STX11: variants seen among roughly 807,000 people sequenced by gnomAD.
STX11 encodes syntaxin 11.
Under a neutral mutation model 19.9 loss-of-function variants are expected in STX11, and 21 were observed. That is an observed-to-expected ratio of 1.06 (90% confidence interval 0.75 to 1.52). The LOEUF is 1.52. Ranked by LOEUF, STX11 falls within the 40% of genes most tolerant of loss-of-function variation. The pLI, the probability that STX11 is intolerant of heterozygous loss-of-function variation, is 0.00. For missense variants in STX11, 438 were observed against 405.9 expected, an observed-to-expected ratio of 1.08 and a Z score of -0.68; for synonymous variants, 193 against 174.4, an observed-to-expected ratio of 1.11 and a Z score of -0.84.
chr6:144,190,504 C>T lies in STX11; in HGVS notation c.*3013C>T, dbSNP rs1054317176. On this transcript the variant is annotated 3_prime_UTR_variant, in exon 2 of 2. Coordinates refer to ENST00000367568, the MANE Select transcript of STX11 (RefSeq NM_003764.4). ...TTTTAAGTACAGAGGAAAAATAAAG[C>T]CTATTTTTTGTTAACAGTCTTAATA... is the stretch of plus-strand genomic sequence containing the variant. Among the ~76,000 whole-genome samples the T allele has an allele frequency of 6.6e-6, 1 of 151,824 alleles. No individual in the cohort carries two copies. Among genetic ancestry groups the T allele is most frequent in the African/African-American group, 2.4e-5 (1 of 41,340 alleles).
upstream of STX11, among the ~76,000 whole-genome samples, chr6:144,147,297 A>C (rs1467760432): frequency 6.6e-6 from 1 of 152,084 alleles, no homozygotes; most frequent in African/African-American, 2.4e-5. This position sits in a 1 kb window ranked among gnomAD's most constrained non-coding sequence, Gnocchi z 4.2. Flanking sequence ...TCTTCTTACC[A>C]AGCTCACCAC....
chr6:144,147,406 T>A (rs145872089), upstream of STX11, among the ~76,000 whole-genome samples: 3 of 152,322 alleles, frequency 2.0e-5, no homozygotes, highest in African/African-American at 7.2e-5. The surrounding 1 kb of genome is among the most constrained non-coding windows in gnomAD (Gnocchi z 4.2). Context: ...ACAAAAATTT[T>A]TTTAATTTGG....
intron 1 of STX11, among the ~76,000 whole-genome samples, chr6:144,156,663 A>G (rs1198244097): frequency 1.3e-5 from 2 of 152,140 alleles, no homozygotes; most frequent in East Asian, 3.9e-4. Context: ...CTAATTTTCT[A>G]TTATGTTCTT....
the STX11 span, among the ~76,000 whole-genome samples, chr6:144,144,899 T>G: frequency 6.6e-6 from 1 of 152,128 alleles, no homozygotes; most frequent in Non-Finnish European, 1.5e-5. Context: ...GGGGAATAAG[T>G]GTTGGCAAGG....
At chr6:144,146,258 C>T (rs973857727), upstream of STX11, among the ~76,000 whole-genome samples, 1 of 152,188 alleles carries the variant, frequency 6.6e-6, no homozygotes, top group Non-Finnish European at 1.5e-5. This position sits in a 1 kb window ranked among gnomAD's most constrained non-coding sequence, Gnocchi z 4.4. Context: ...ACGCCCCGCA[C>T]CCAGTGCCTG....
Position 144,191,772 on chromosome 6 carries a change from G to A in STX11, c.*4281G>A, listed in dbSNP as rs1213118373. On this transcript the variant is annotated 3_prime_UTR_variant, in exon 2 of 2. Coordinates refer to ENST00000367568, the MANE Select transcript of STX11 (RefSeq NM_003764.4). Reference sequence around the variant, plus strand: ...TGAAAATCATTGCAATTAATAAAATGGGGCTATTAGAAATGGAAAACGAAT... The same window carrying A: ...TGAAAATCATTGCAATTAATAAAATAGGGCTATTAGAAATGGAAAACGAAT... Among the ~76,000 whole-genome samples, 1 of 152,156 alleles carries A rather than the reference G, an allele frequency of 6.6e-6. No homozygotes were observed. The highest frequency in any genetic ancestry group is 2.4e-5 in the African/African-American group (1 of 41,446).
Position 144,187,629 on chromosome 6 carries a change from G to A in STX11, c.*138G>A. Reference sequence around the variant, plus strand: ...TCAGTCTTTAGAAAAGAAACGCCAGGTTCAAGAATTGCAAACCAGCCTGTG... The same window carrying A: ...TCAGTCTTTAGAAAAGAAACGCCAGATTCAAGAATTGCAAACCAGCCTGTG... On this transcript the variant is annotated 3_prime_UTR_variant, in exon 2 of 2. Coordinates refer to ENST00000367568, the MANE Select transcript of STX11 (RefSeq NM_003764.4). The surrounding 1 kb of genome is among the most constrained non-coding windows in gnomAD (Gnocchi z 5.6). The A allele has an allele frequency of 8.3e-7, 1 of 1,202,492 alleles. No homozygotes were observed. The highest frequency in any genetic ancestry group is 1.2e-6 in the Non-Finnish European group (1 of 851,046). The allele number at this position is 1,202,492 out of a possible 1,614,324, so 74.5% of individuals were successfully genotyped here. A position where few individuals can be genotyped will look rare whatever the true frequency, so the allele number is the denominator to read the frequency against.
chr6:144,146,994 T>A (rs1800885578), upstream of STX11, among the ~76,000 whole-genome samples: 1 of 152,218 alleles, frequency 6.6e-6, no homozygotes, highest in Non-Finnish European at 1.5e-5. This position sits in a 1 kb window ranked among gnomAD's most constrained non-coding sequence, Gnocchi z 4.4. Flanking sequence ...AGGGATGAAC[T>A]CTTTCTTCTG....
chr6:144,157,958 G>C (rs1233039578), intron 1 of STX11, among the ~76,000 whole-genome samples: 4 of 144,666 alleles, frequency 2.8e-5, no homozygotes, highest in Non-Finnish European at 6.0e-5. Flanking sequence ...AATTACCAAA[G>C]ATATTTCAGT....
chr6:144,154,486 C>T lies in STX11; in HGVS notation c.-6+3783C>T, dbSNP rs1312112514. Among the ~76,000 whole-genome samples the T allele has an allele frequency of 6.6e-6, 1 of 152,206 alleles. No homozygotes were observed. The highest frequency in any genetic ancestry group is 1.5e-5 in the Non-Finnish European group (1 of 68,042). ...CCAAGTGCTTCAATCATTGTGTCTACAGAGCTGCCTTGGTTACCACCCCTC... is the reference window on the plus strand; with the variant it reads ...CCAAGTGCTTCAATCATTGTGTCTATAGAGCTGCCTTGGTTACCACCCCTC... On this transcript the variant is annotated intron_variant, in intron 1 of 1. Transcript: ENST00000367568. This position sits in a 1 kb window ranked among gnomAD's most constrained non-coding sequence, Gnocchi z 4.7.
chr6:144,186,920 A>C lies in STX11; in HGVS notation c.293A>C (p.Glu98Ala). The change falls in exon 2 of 2, where the codon GAG (glutamate) becomes GCG (alanine). Residue 98 changes from glutamate (E) to alanine (A), a missense_variant. Physicochemically the swap from Glu to Ala is moderately radical, Grantham distance 107. Transcript: ENST00000367568. ...GCCAAGGCCATCAAGGCCCGGGGCG[A>C]GGTCATCCACTGCAAGCTGCGCGCC... Reference protein sequence around the residue: ...SIAKAIKARGEVIHCKLRAMK... With the variant: ...SIAKAIKARGAVIHCKLRAMK... 6.2e-7 allele frequency: 1 copy of C among 1,610,658 alleles called. No individual in the cohort carries two copies.
chr6:144,182,149 A>G lies in STX11; in HGVS notation c.-5-4474A>G, dbSNP rs978134006. On this transcript the variant is annotated intron_variant, in intron 1 of 1. Coordinates refer to ENST00000367568, the MANE Select transcript of STX11 (RefSeq NM_003764.4). The surrounding 1 kb of genome is among the most constrained non-coding windows in gnomAD (Gnocchi z 4.8). The stretch of plus-strand genomic sequence containing the variant: ...TTCTCTTTCTAGGAACTCATAGTAC[A>G]GAATCAAGCTATGGGATATATAGGT... Among the ~76,000 whole-genome samples the G allele has an allele frequency of 5.3e-5, 8 of 152,256 alleles. No individual in the cohort carries two copies. The highest frequency in any genetic ancestry group is 8.8e-5 in the Non-Finnish European group (6 of 68,050).
At position 144,189,561 on chromosome 6, in the gene STX11, C is replaced by G. The variant is rs1276001662; in HGVS notation, c.*2070C>G. ...CCTCTGTGTCAACTCTTAGCTCTTC[C>G]TAATCATTATTTAATACATGAGTGA... On this transcript the variant is annotated 3_prime_UTR_variant, in exon 2 of 2. Transcript: ENST00000367568. Among the ~76,000 whole-genome samples the G allele has an allele frequency of 1.3e-5, 2 of 152,176 alleles. No homozygotes were observed. The highest frequency in any genetic ancestry group is 4.8e-5 in the African/African-American group (2 of 41,438).
In STX11 at chr6:144,151,046, TA is replaced by T. The variant is rs1800993754; in HGVS notation, c.-6+346del. Among the ~76,000 whole-genome samples the T allele has an allele frequency of 6.6e-6, 1 of 152,220 alleles. No individual in the cohort carries two copies. Among genetic ancestry groups the T allele is most frequent in the Non-Finnish European group, 1.5e-5 (1 of 68,020 alleles). The stretch of plus-strand genomic sequence containing the variant: ...TGTCCACCCAAGACTACTTTTATTT[TA>T]AATCGAAAGGCTGGAGTGTTTTTTT... On this transcript the variant is annotated intron_variant, in intron 1 of 1. Transcript: ENST00000367568. This position sits in a 1 kb window ranked among gnomAD's most constrained non-coding sequence, Gnocchi z 4.6.
upstream of STX11, among the ~76,000 whole-genome samples, chr6:144,148,824 G>A (rs968005712): frequency 6.6e-6 from 1 of 152,176 alleles, no homozygotes; most frequent in Non-Finnish European, 1.5e-5. Context: ...CGAACTCCTG[G>A]CCTCAAGCAA....
rs1479664609 is a variant in STX11, at chr6:144,155,524, C to T, written c.-6+4821C>T. Among the ~76,000 whole-genome samples, 1 of 152,148 alleles carries T rather than the reference C, an allele frequency of 6.6e-6. No individual in the cohort carries two copies. Among genetic ancestry groups the T allele is most frequent in the African/African-American group, 2.4e-5 (1 of 41,406 alleles). On this transcript the variant is annotated intron_variant, in intron 1 of 1. Transcript: ENST00000367568. The surrounding 1 kb of genome is among the most constrained non-coding windows in gnomAD (Gnocchi z 4.5). ...CAGGGTAATAGAGCCCACATGTCTACCCCTTGGCCTGAGCTTTTATGTGCC... is the reference window on the plus strand; with the variant it reads ...CAGGGTAATAGAGCCCACATGTCTATCCCTTGGCCTGAGCTTTTATGTGCC...
At position 144,188,147 on chromosome 6, in the gene STX11, A is replaced by C. The variant is rs1802112858; in HGVS notation, c.*656A>C. On this transcript the variant is annotated 3_prime_UTR_variant, in exon 2 of 2. Coordinates refer to ENST00000367568, the MANE Select transcript of STX11 (RefSeq NM_003764.4). ...ATATTTTGGTATTATTTTTCCAAAC[A>C]TTTTTAAGCACTGAATATCGAACAA... 4.2e-6 allele frequency: 1 copy of C among 239,700 alleles called. No individual in the cohort carries two copies. Among genetic ancestry groups the C allele is most frequent in the Non-Finnish European group, 8.8e-6 (1 of 113,374 alleles). The allele number at this position is 239,700 out of a possible 1,614,324, so 14.8% of individuals were successfully genotyped here. A position where few individuals can be genotyped will look rare whatever the true frequency, so the allele number is the denominator to read the frequency against.
intron 1 of STX11, among the ~76,000 whole-genome samples, chr6:144,158,479 A>C (rs75938712): frequency 0.016 from 2,402 of 152,302 alleles, 59 homozygotes; most frequent in African/African-American, 0.055. Context: ...GGAATCAGTA[A>C]ACTTTCTAGG....
At chr6:144,140,233 TATATATATATATATA>T in the STX11 span, among the ~76,000 whole-genome samples, 35 of 49,400 alleles carry the variant, frequency 7.1e-4, no homozygotes, top group African/African-American at 4.3e-3. Context: ...TATATATATA[TATATATATATATATA>T]TATATATTTA....
Sources: gnomAD v4.1 joint callset for allele counts (sites outside exome capture counted in the v4.1 genomes callset) on GRCh38, gnomAD v4.1.1 for gene constraint, Gnocchi (gnomAD v3.1) non-coding constraint, MANE v1.5 for transcripts, NCBI Gene and HGNC (gene_info 2026-07-23, HGNC 2026-07-21) for gene names.